NEDD4L: variants seen among roughly 807,000 people sequenced by gnomAD.
NEDD4L encodes NEDD4 like E3 ubiquitin protein ligase.
In NEDD4L, 54 loss-of-function variants were observed where a neutral mutation model predicts 148.9. That is an observed-to-expected ratio of 0.36 (90% CI 0.29 to 0.45). NEDD4L has a LOEUF of 0.45. NEDD4L is among the 20% of genes least tolerant of loss of function. The probability of loss-of-function intolerance (pLI) is 1.00; values close to 1 mark genes in which losing one functional copy is unlikely to be tolerated. For synonymous variants in NEDD4L, 433 were observed against 440.7 expected, an observed-to-expected ratio of 0.98 and a Z score of 0.22; for missense variants, 856 against 1,233.8, an observed-to-expected ratio of 0.69 and a Z score of 4.59.
intron 1 of NEDD4L, among the ~76,000 whole-genome samples, chr18:58,103,789 T>C (rs565650444): frequency 1.2e-4 from 18 of 152,356 alleles, no homozygotes; most frequent in Admixed American, 2.6e-4. Flanking sequence ...GCAGTACAGC[T>C]GTTGGAGAGA....
chr18:58,316,926 A>G (rs1429983452), intron 6 of NEDD4L, among the ~76,000 whole-genome samples: 2 of 152,248 alleles, frequency 1.3e-5, no homozygotes, highest in Non-Finnish European at 2.9e-5. Flanking sequence ...AATAGCATAA[A>G]TAGTCTATAA....
chr18:58,153,122 A>G (rs2035006352), intron 1 of NEDD4L, among the ~76,000 whole-genome samples: 1 of 152,168 alleles, frequency 6.6e-6, no homozygotes, highest in Admixed American at 6.5e-5. Flanking sequence ...TGGAATGGTT[A>G]TCATGAGTCC....
chr18:58,083,559 G>A (rs1244561747), intron 1 of NEDD4L, among the ~76,000 whole-genome samples: 1 of 152,056 alleles, frequency 6.6e-6, no homozygotes, highest in East Asian at 1.9e-4. Context: ...GTGGTGGCGG[G>A]TGCCTGTAGT....
At chr18:58,388,880 G>C (rs2146916831) in intron 27 of NEDD4L, 4 of 589,650 alleles carry the variant, frequency 6.8e-6, no homozygotes, top group Non-Finnish European at 1.2e-5. Flanking sequence ...GGTTCGAATT[G>C]AGCTGCCCTC....
At chr18:58,292,781 A>C (rs2054956638) in intron 5 of NEDD4L, among the ~76,000 whole-genome samples, 1 of 152,200 alleles carries the variant, frequency 6.6e-6, no homozygotes, top group African/African-American at 2.4e-5. Context: ...AGTACAAAGA[A>C]ATATTTGGAA....
intron 5 of NEDD4L, among the ~76,000 whole-genome samples, chr18:58,271,588 T>G (rs537076808): frequency 6.6e-6 from 1 of 152,332 alleles, no homozygotes; most frequent in African/African-American, 2.4e-5. Context: ...AAGGATTATT[T>G]TAAGTAACTC....
intron 2 of NEDD4L, among the ~76,000 whole-genome samples, chr18:58,223,324 G>T (rs2043977234): frequency 1.3e-5 from 2 of 152,098 alleles, no homozygotes; most frequent in Non-Finnish European, 2.9e-5. Flanking sequence ...CATTTTCTTG[G>T]CACTGTGGAA....
At position 58,400,520 on chromosome 18, in the gene NEDD4L, A is replaced by G. The variant is rs545913091; in HGVS notation, c.*4251A>G. The stretch of plus-strand genomic sequence containing the variant: ...CAGCATTAGGACGGGAGCTTGGAGA[A>G]CGTTTTCTAGAAAAGGGTTAGCTTC... On this transcript the variant is annotated 3_prime_UTR_variant, in exon 31 of 31. Transcript: ENST00000400345. 6.6e-6 allele frequency: 1 copy of G among 152,294 alleles called. No homozygotes were observed. Among genetic ancestry groups the G allele is most frequent in the South Asian group, 2.1e-4 (1 of 4,822 alleles). 9.4% of individuals were successfully genotyped at this position (152,294 alleles called of 1,614,324 possible).
chr18:58,244,363 C>A (rs2046997131), intron 2 of NEDD4L, among the ~76,000 whole-genome samples: 1 of 152,118 alleles, frequency 6.6e-6, no homozygotes, highest in South Asian at 2.1e-4. Context: ...TTCTTCTATA[C>A]CCTAAATTCT....
Position 58,171,278 on chromosome 18 carries a change from G to A in NEDD4L, c.122+5417G>A, listed in dbSNP as rs868481884. On this transcript the variant is annotated intron_variant, in intron 2 of 30. Transcript: ENST00000400345. ...CCAAGGGGACAGAACACTGCTGCCCGCCTCATCACCCCAGCCCAAGAGGAC... is the reference window on the plus strand; with the variant it reads ...CCAAGGGGACAGAACACTGCTGCCCACCTCATCACCCCAGCCCAAGAGGAC... Among the ~76,000 whole-genome samples, 3 of 4,620 alleles carry A rather than the reference G, an allele frequency of 6.5e-4. 1 individual carries two copies. The African/African-American group carries it at 6.6e-3, about 10-fold the overall frequency. The allele number at this position is 4,620 out of a possible 152,430, so 3.0% of individuals were successfully genotyped here. A position where few individuals can be genotyped will look rare whatever the true frequency, so the allele number is the denominator to read the frequency against.
intron 2 of NEDD4L, among the ~76,000 whole-genome samples, chr18:58,204,309 C>A (rs2041757291): frequency 1.3e-5 from 2 of 151,826 alleles, no homozygotes; most frequent in East Asian, 3.9e-4. Context: ...GCCTGGGCAA[C>A]AGAGTGAGAC....
chr18:58,114,121 T>C (rs2085606015), intron 1 of NEDD4L, among the ~76,000 whole-genome samples: 2 of 152,204 alleles, frequency 1.3e-5, no homozygotes, highest in Admixed American at 6.5e-5. Flanking sequence ...AAACCACTTT[T>C]GAGTTTTTAG....
chr18:58,369,935 C>G (rs1179274241), intron 22 of NEDD4L, among the ~76,000 whole-genome samples: 1 of 152,208 alleles, frequency 6.6e-6, no homozygotes, highest in African/African-American at 2.4e-5. Context: ...GGAATTTCAC[C>G]TGGCCTTTCA....
At chr18:58,099,686 G>T (rs1447397875) in intron 1 of NEDD4L, among the ~76,000 whole-genome samples, 4 of 152,174 alleles carry the variant, frequency 2.6e-5, no homozygotes, top group African/African-American at 4.8e-5. Flanking sequence ...TGCTTCATTG[G>T]TTCTTGACTA....
intron 9 of NEDD4L, among the ~76,000 whole-genome samples, chr18:58,327,335 G>A (rs987710975): frequency 1.3e-5 from 2 of 152,192 alleles, no homozygotes; most frequent in African/African-American, 4.8e-5. Context: ...GACCTCAGGT[G>A]ATCCGCCCAC....
intron 2 of NEDD4L, among the ~76,000 whole-genome samples, chr18:58,195,984 T>C (rs904514026): frequency 3.3e-5 from 5 of 152,226 alleles, no homozygotes; most frequent in African/African-American, 1.2e-4. Context: ...GTTTCTAACC[T>C]CTTTTCTTCA....
intron 1 of NEDD4L, among the ~76,000 whole-genome samples, chr18:58,097,565 G>A (rs572704493): frequency 2.0e-5 from 3 of 152,318 alleles, no homozygotes; most frequent in South Asian, 4.1e-4. Context: ...GAGTCAGAGA[G>A]TATATCATGC....
At chr18:58,229,208 A>G (rs2044758955) in intron 2 of NEDD4L, among the ~76,000 whole-genome samples, 1 of 152,216 alleles carries the variant, frequency 6.6e-6, no homozygotes, top group South Asian at 2.1e-4. Flanking sequence ...TTAGCAATTC[A>G]TTAGTGATAT....
At chr18:58,242,541 C>A (rs2148363697) in intron 2 of NEDD4L, among the ~76,000 whole-genome samples, 2 of 152,118 alleles carry the variant, frequency 1.3e-5, no homozygotes, top group East Asian at 3.9e-4. Context: ...CACTCTGTCG[C>A]CCATCCTGGA....
Sources: allele counts gnomAD v4.1 joint callset (sites outside exome capture counted in the v4.1 genomes callset), GRCh38; gene constraint gnomAD v4.1.1; transcripts MANE v1.5; gene names NCBI Gene and HGNC (gene_info 2026-07-23, HGNC 2026-07-21).